Variants in KCTD1 observed in about 807,000 individuals in gnomAD.
KCTD1 encodes the protein potassium channel tetramerization domain containing 1, also known as BTB/POZ domain-containing protein KCTD1.
A neutral mutation model predicts 66.0 loss-of-function variants in KCTD1; 24 were observed. That is an observed-to-expected ratio of 0.36 (90% CI 0.26 to 0.51). KCTD1 has a LOEUF of 0.51. KCTD1 is among the 20% of genes least tolerant of loss of function. The pLI is 0.95. For missense variants in KCTD1, 943 were observed against 1,205.2 expected (o/e 0.78, Z 3.22); for synonymous variants, 511 against 517.2 (o/e 0.99, Z 0.16).
At chr18:26,459,438 C>T in intron 4 of KCTD1, 182 bp downstream of exon 4, 1 of 608,802 alleles carries the variant, frequency 1.6e-6, no homozygotes, top group Middle Eastern at 4.4e-4. Flanking sequence ...CATCCCAGCA[C>T]CTGGCACAAT....
intron 1 of KCTD1, among the ~76,000 whole-genome samples, chr18:26,601,798 T>C (rs1038411050): frequency 6.6e-6 from 1 of 152,244 alleles, no homozygotes; most frequent in Admixed American, 6.5e-5. Context: ...ATTTTATTAT[T>C]GTATTGTTCA....
intron 1 of KCTD1, among the ~76,000 whole-genome samples, chr18:26,571,819 G>A (rs185697017): frequency 2.0e-3 from 300 of 152,072 alleles, no homozygotes; most frequent in African/African-American, 7.0e-3. Flanking sequence ...AAAAAGTCAC[G>A]GGGTAGCAAA....
chr18:26,632,805 G>A (rs967738480), upstream of KCTD1, among the ~76,000 whole-genome samples: 34 of 152,016 alleles, frequency 2.2e-4, no homozygotes, highest in African/African-American at 7.2e-4. Flanking sequence ...TCAAAACAAC[G>A]TCTGAACAAA....
chr18:26,623,475 G>C (rs1343470405), intron 1 of KCTD1, among the ~76,000 whole-genome samples: 1 of 152,110 alleles, frequency 6.6e-6, no homozygotes, highest in Non-Finnish European at 1.5e-5. Context: ...ATGAAAGTGA[G>C]TTCTCATGAC....
At chr18:26,651,559 G>A (rs1037363477) in intron 1 of KCTD1, among the ~76,000 whole-genome samples, 5 of 152,068 alleles carry the variant, frequency 3.3e-5, no homozygotes, top group Admixed American at 6.5e-5. Flanking sequence ...CGAGGTGGGC[G>A]GATCACTTGA....
intron 1 of KCTD1, among the ~76,000 whole-genome samples, chr18:26,598,315 T>C (rs1986813853): frequency 6.6e-6 from 1 of 152,244 alleles, no homozygotes; most frequent in Non-Finnish European, 1.5e-5. Flanking sequence ...TAATATTCCA[T>C]GTAGGGATGT....
chr18:26,564,814 G>T (rs867435819), intron 1 of KCTD1, among the ~76,000 whole-genome samples: 1 of 151,838 alleles, frequency 6.6e-6, no homozygotes, highest in Non-Finnish European at 1.5e-5. Context: ...GCTTGAACCC[G>T]GGAGGCAGAG....
intron 1 of KCTD1, among the ~76,000 whole-genome samples, chr18:26,590,234 G>C (rs1201800557): frequency 6.6e-6 from 1 of 151,662 alleles, no homozygotes; most frequent in South Asian, 2.1e-4. Context: ...CAGGCACATG[G>C]CACCACACCT....
chr18:26,552,725 G>C (rs1469540350), upstream of KCTD1, among the ~76,000 whole-genome samples: 1 of 152,202 alleles, frequency 6.6e-6, no homozygotes, highest in Non-Finnish European at 1.5e-5. Flanking sequence ...TCTGAAGGCA[G>C]ATCTGGGGAA....
chr18:26,586,211 T>C (rs1005662088), intron 1 of KCTD1, among the ~76,000 whole-genome samples: 2 of 152,244 alleles, frequency 1.3e-5, no homozygotes, highest in African/African-American at 2.4e-5. Flanking sequence ...ACTTTGTATC[T>C]TTGTGTCGTG....
intron 1 of KCTD1, among the ~76,000 whole-genome samples, chr18:26,586,338 C>A (rs1986471022): frequency 6.6e-6 from 1 of 152,098 alleles, no homozygotes; most frequent in Admixed American, 6.6e-5. Context: ...ATGAACTGCA[C>A]CCATATAAGA....
chr18:26,469,478 G>A (rs578131927), intron 3 of KCTD1, among the ~76,000 whole-genome samples: 4 of 152,282 alleles, frequency 2.6e-5, no homozygotes, highest in East Asian at 3.9e-4. Flanking sequence ...TTAAACCAAA[G>A]TGCGTGCCTA....
At chr18:26,644,505 T>C (rs924807340), upstream of KCTD1, among the ~76,000 whole-genome samples, 3 of 151,814 alleles carry the variant, frequency 2.0e-5, no homozygotes, top group Non-Finnish European at 4.4e-5. Flanking sequence ...CACACCTTCA[T>C]CCTGGCATTT....
At chr18:26,539,112 A>G (rs1671895832) in intron 1 of KCTD1, among the ~76,000 whole-genome samples, 1 of 152,160 alleles carries the variant, frequency 6.6e-6, no homozygotes, top group South Asian at 2.1e-4. Flanking sequence ...TGAACAGTTG[A>G]TATGAATTTT....
upstream of KCTD1, among the ~76,000 whole-genome samples, chr18:26,644,295 A>G (rs1987891280): frequency 6.6e-6 from 1 of 152,154 alleles, no homozygotes; most frequent in Admixed American, 6.5e-5. Flanking sequence ...AAGTGAGGAA[A>G]AAGGAAGGTT....
At chr18:26,486,870 G>T (rs1981946271) in intron 2 of KCTD1, among the ~76,000 whole-genome samples, 1 of 152,166 alleles carries the variant, frequency 6.6e-6, no homozygotes, top group African/African-American at 2.4e-5. Context: ...TTGCAATCAT[G>T]CCAGCAAAAG....
chr18:26,610,102 G>A lies in KCTD1; in HGVS notation c.-16+19045C>T, dbSNP rs188206757. 3.5e-3 allele frequency among the ~76,000 whole-genome samples: 533 copies of A among 152,228 alleles called. 2 individuals are homozygous for A. The highest frequency in any genetic ancestry group is 5.9e-3 in the Non-Finnish European group (402 of 68,022). ...GTTATGAGAATAAATCTAAGATGTG[G>A]GTACATCTATGGTGTCTGTCCCTAT... On this transcript the variant is annotated intron_variant, in intron 1 of 4. Transcript: ENST00000317932.
Position 26,546,820 on chromosome 18 carries a change from G to A in KCTD1, c.1717C>T (p.His573Tyr). 6.5e-7 allele frequency: 1 copy of A among 1,538,228 alleles called. No individual in the cohort carries two copies. The highest frequency in any genetic ancestry group is 2.1e-5 in the Admixed American group (1 of 48,356). The change falls in exon 1 of 5, where the codon CAC becomes TAC. Residue 573 changes from histidine (H) to tyrosine (Y), a missense_variant. His to Tyr is a moderately conservative substitution (Grantham distance 83). Around this residue, in one of 10 missense-constraint regions of KCTD1, gnomAD observed 197 missense variants for 182.7 expected, o/e 1.08. Transcript: ENST00000580059. ...VDAVVVVSVK[H>Y]DPLPLLPEAN... ...TCTGGAAGAAGAGGCAGGGGGTCGT[G>A]TTTCACGGAAACCACCACCACCGCA...
At chr18:26,618,455 C>G (rs1987304468) in intron 1 of KCTD1, among the ~76,000 whole-genome samples, 1 of 152,198 alleles carries the variant, frequency 6.6e-6, no homozygotes, top group Admixed American at 6.5e-5. Context: ...CTACTCTGTC[C>G]TCAGAGAACC....
Sources: allele counts gnomAD v4.1 joint callset (sites outside exome capture counted in the v4.1 genomes callset), GRCh38; gene constraint gnomAD v4.1.1; regional missense constraint gnomAD v4.1.1; transcripts MANE v1.5; gene names NCBI Gene and HGNC (gene_info 2026-07-23, HGNC 2026-07-21).